GEMIN5: variants seen among roughly 807,000 people sequenced by gnomAD.
GEMIN5 encodes gem-associated protein 5.
In GEMIN5, 124 loss-of-function variants were observed where a neutral mutation model predicts 176.9. The ratio of observed to expected loss-of-function variants is 0.70; its 90% CI spans 0.61 to 0.81. GEMIN5 has a LOEUF of 0.81. Among genes scored for constraint, GEMIN5 ranks in the 40% least tolerant of loss-of-function variants. The probability of loss-of-function intolerance (pLI) is 0.00; values close to 1 mark genes in which losing one functional copy is unlikely to be tolerated. For missense variants in GEMIN5, 1,843 were observed against 1,814.6 expected (o/e 1.02, Z -0.28); for synonymous variants, 673 against 665.2 (o/e 1.01, Z -0.18).
At chr5:154,918,124 G>T in intron 11 of GEMIN5, 120 bp from the exon 12 acceptor site, 1 of 634,918 alleles carries the variant, frequency 1.6e-6, no homozygotes, top group Non-Finnish European at 2.8e-6. Flanking sequence ...AGCTATTCTT[G>T]TAAATAATCT....
chr5:154,917,399 C>G (rs1763836298), intron 12 of GEMIN5, among the ~76,000 whole-genome samples: 1 of 152,160 alleles, frequency 6.6e-6, no homozygotes, highest in Non-Finnish European at 1.5e-5. Context: ...AATATCCTAA[C>G]AATTCTTTTC....
intron 15 of GEMIN5, among the ~76,000 whole-genome samples, chr5:154,910,859 C>T (rs374487156): frequency 3.3e-5 from 5 of 152,092 alleles, no homozygotes; most frequent in African/African-American, 4.8e-5. Context: ...CCAACACGCC[C>T]GGGTAATTTT....
intron 24 of GEMIN5, among the ~76,000 whole-genome samples, chr5:154,893,615 A>T (rs1156418061): frequency 1.3e-5 from 2 of 152,132 alleles, no homozygotes; most frequent in Non-Finnish European, 2.9e-5. Context: ...TCCTGGCCCC[A>T]CCCCACTGGC....
At chr5:154,923,278 G>A (rs1763964067) in intron 9 of GEMIN5, among the ~76,000 whole-genome samples, 1 of 152,092 alleles carries the variant, frequency 6.6e-6, no homozygotes, top group African/African-American at 2.4e-5. Flanking sequence ...TACTCAGGAG[G>A]CTGAGGCAGG....
intron 24 of GEMIN5, among the ~76,000 whole-genome samples, chr5:154,895,335 G>GGA (rs201931739): frequency 0.12 from 15,323 of 128,712 alleles, 897 homozygotes; most frequent in African/African-American, 0.19. Context: ...TCTCCAGAAA[G>GGA]GAAAAAAAAA....
intron 26 of GEMIN5, among the ~76,000 whole-genome samples, 186 bp downstream of exon 26, chr5:154,891,055 C>CT (rs548747613): frequency 0.79 from 74,358 of 94,108 alleles, 30,665 homozygotes; most frequent in South Asian, 0.86. Context: ...TGTGCCCGGG[C>CT]TTTTTTTTTT....
intron 12 of GEMIN5, 116 bp downstream of exon 12, chr5:154,917,815 C>G: frequency 1.4e-6 from 1 of 716,406 alleles, no homozygotes. Flanking sequence ...AAGAATAAAT[C>G]AAAATACCAA....
At position 154,892,456 on chromosome 5, in the gene GEMIN5, C is replaced by G; in HGVS notation, c.3691G>C (p.Val1231Leu). The change falls in exon 25 of 28, where the codon GTG (valine) becomes CTG (leucine). Residue 1231 changes from valine to leucine, a missense_variant. Coordinates refer to ENST00000285873, the MANE Select transcript of GEMIN5 (RefSeq NM_015465.5). ...CTCCCTGAGTCATAGCTCCGGACCACCGCCCGAAGGAGCGCCTGCACAGCC... is the reference window on the plus strand; with the variant it reads ...CTCCCTGAGTCATAGCTCCGGACCAGCGCCCGAAGGAGCGCCTGCACAGCC... ...DEAVQALLRA[V>L]VRSYDSGSFT... is the part of the protein sequence containing the mutation. 6.2e-7 allele frequency: 1 copy of G among 1,614,224 alleles called. No individual in the cohort carries two copies. Among genetic ancestry groups the G allele is most frequent in the South Asian group, 1.1e-5 (1 of 91,086 alleles).
At chr5:154,893,217 C>A (rs2113454513) in intron 24 of GEMIN5, among the ~76,000 whole-genome samples, 1 of 138,798 alleles carries the variant, frequency 7.2e-6, no homozygotes, top group South Asian at 2.3e-4. Flanking sequence ...CTTTGGGAGG[C>A]TGAGGCGGGC....
At chr5:154,904,991 G>A (rs1162333724) in intron 17 of GEMIN5, among the ~76,000 whole-genome samples, 2 of 152,100 alleles carry the variant, frequency 1.3e-5, no homozygotes, top group African/African-American at 2.4e-5. Flanking sequence ...CCAGCAGTTC[G>A]AGACCAGCCT....
Position 154,888,152 on chromosome 5 carries a change from A to C in GEMIN5, c.*58T>G. ...TGAATGTCTGGTGAGGCATAACTGC[A>C]GAGGTGAAAGATGTCAAACATTTTC... On this transcript the variant is annotated 3_prime_UTR_variant, in exon 28 of 28. Coordinates refer to ENST00000285873, the MANE Select transcript of GEMIN5 (RefSeq NM_015465.5). 6.7e-7 allele frequency: 1 copy of C among 1,488,006 alleles called. No homozygotes were observed. The allele number at this position is 1,488,006 out of a possible 1,614,324, so 92.2% of individuals were successfully genotyped here. A position where few individuals can be genotyped will look rare whatever the true frequency, so the allele number is the denominator to read the frequency against.
chr5:154,904,459 A>T (rs1056830718), intron 18 of GEMIN5, 48 bp downstream of exon 18: 8 of 1,550,486 alleles, frequency 5.2e-6, no homozygotes, highest in Non-Finnish European at 7.1e-6. Context: ...TCCCTTATAT[A>T]CCAGTCCCGG....
intron 3 of GEMIN5, among the ~76,000 whole-genome samples, chr5:154,933,687 T>TA (rs1460116536): frequency 2.0e-5 from 3 of 152,082 alleles, no homozygotes; most frequent in Admixed American, 6.6e-5. Flanking sequence ...TTTATTTATT[T>TA]TTTTTTTTTA....
At chr5:154,897,255 A>G (rs1763369672) in intron 23 of GEMIN5, among the ~76,000 whole-genome samples, 1 of 152,208 alleles carries the variant, frequency 6.6e-6, no homozygotes, top group Non-Finnish European at 1.5e-5. Flanking sequence ...TATTCAGCTA[A>G]AAACCATCTG....
At position 154,932,263 on chromosome 5, in the gene GEMIN5, A is replaced by G. The variant is rs745972568; in HGVS notation, c.510-13T>C. 8.8e-5 allele frequency: 139 copies of G among 1,585,010 alleles called. No homozygotes were observed. Among genetic ancestry groups the G allele is most frequent in the Non-Finnish European group, 1.2e-4 (135 of 1,158,488 alleles). On this transcript the variant is annotated splice_polypyrimidine_tract_variant and intron_variant, in intron 3 of 27. Coordinates refer to ENST00000285873, the MANE Select transcript of GEMIN5 (RefSeq NM_015465.5). ...GCCATCCTTGTAGCTAAAAAACAAG[A>G]GTTAGAAATATTACTAAAAAAATGA...
At chr5:154,911,586 GGCT>G in intron 15 of GEMIN5, 138 bp downstream of exon 15, 1 of 631,214 alleles carries the variant, frequency 1.6e-6, no homozygotes, top group Admixed American at 2.9e-5. Flanking sequence ...AAGCCCTTGT[GGCT>G]GCTTTCTTGC....
At position 154,921,439 on chromosome 5, in the gene GEMIN5, G is replaced by A; in HGVS notation, c.1380-14C>T. On this transcript the variant is annotated splice_polypyrimidine_tract_variant and intron_variant, in intron 9 of 27. Coordinates refer to ENST00000285873, the MANE Select transcript of GEMIN5 (RefSeq NM_015465.5). ...ATCTGTGGAGGCCTTTAGAAGAGCA[G>A]GGAGAGAGAACAAATGGAGATTTAA... The A allele has an allele frequency of 8.4e-7, 1 of 1,193,184 alleles. No homozygotes were observed. The highest frequency in any genetic ancestry group is 1.2e-6 in the Non-Finnish European group (1 of 825,330). 73.9% of individuals were successfully genotyped at this position (1,193,184 alleles called of 1,614,324 possible).
intron 13 of GEMIN5, among the ~76,000 whole-genome samples, chr5:154,914,320 C>T (rs769625319): frequency 2.6e-5 from 4 of 151,742 alleles, no homozygotes; most frequent in Non-Finnish European, 5.9e-5. Flanking sequence ...CACGCCCGGC[C>T]TAAATAAATA....
chr5:154,928,379 T>A, intron 6 of GEMIN5, 148 bp downstream of exon 6: 1 of 699,202 alleles, frequency 1.4e-6, no homozygotes, highest in Non-Finnish European at 2.5e-6. Context: ...TGTTAGTAGA[T>A]AGCACAGGCA....
Sources: gnomAD v4.1 joint callset for allele counts (sites outside exome capture counted in the v4.1 genomes callset) on GRCh38, gnomAD v4.1.1 for gene constraint, MANE v1.5 for transcripts, NCBI Gene and HGNC (gene_info 2026-07-23, HGNC 2026-07-21) for gene names.